RAB3GAP1: variants seen among roughly 807,000 people sequenced by gnomAD.
The protein encoded by RAB3GAP1 is rab3 GTPase-activating protein catalytic subunit.
Under a neutral mutation model 130.7 loss-of-function variants are expected in RAB3GAP1, and 86 were observed. That is an observed-to-expected ratio of 0.66 (90% CI 0.55 to 0.79). RAB3GAP1 has a LOEUF of 0.79. Ranked by LOEUF, RAB3GAP1 falls within the 30% of genes least tolerant of loss-of-function variation. The probability of loss-of-function intolerance (pLI) is 0.00; values close to 1 mark genes in which losing one functional copy is unlikely to be tolerated. For synonymous variants in RAB3GAP1, 367 were observed against 401.7 expected, an observed-to-expected ratio of 0.91 and a Z score of 1.03; for missense variants, 1,029 against 1,169.4, an observed-to-expected ratio of 0.88 and a Z score of 1.75.
chr2:135,098,878 C>T (rs1690373362), intron 5 of RAB3GAP1, among the ~76,000 whole-genome samples: 1 of 152,106 alleles, frequency 6.6e-6, no homozygotes, highest in African/African-American at 2.4e-5. Context: ...GAGGGGTTAA[C>T]CTTGTATCCT....
chr2:135,092,708 G>T (rs971063668), intron 4 of RAB3GAP1, among the ~76,000 whole-genome samples: 1 of 152,198 alleles, frequency 6.6e-6, no homozygotes, highest in Non-Finnish European at 1.5e-5. Flanking sequence ...AAAGTGCTGG[G>T]ATTACAGGCG....
chr2:135,092,948 C>G (rs1348492102), intron 4 of RAB3GAP1, among the ~76,000 whole-genome samples: 1 of 152,162 alleles, frequency 6.6e-6, no homozygotes. Flanking sequence ...TCAGCATTGT[C>G]TATTGCTTTT....
intron 3 of RAB3GAP1, among the ~76,000 whole-genome samples, chr2:135,066,985 C>T (rs1040531462): frequency 2.6e-5 from 4 of 152,098 alleles, no homozygotes; most frequent in African/African-American, 9.7e-5. Context: ...TCACATTTTT[C>T]ATACCCACTC....
chr2:135,092,493 A>G (rs763867296), intron 4 of RAB3GAP1, among the ~76,000 whole-genome samples: 4 of 152,148 alleles, frequency 2.6e-5, no homozygotes, highest in Admixed American at 6.5e-5. Context: ...CTGTAGGGCA[A>G]TGGCGCGATC....
At chr2:135,150,710 G>A (rs1195831217) in intron 18 of RAB3GAP1, among the ~76,000 whole-genome samples, 2 of 152,168 alleles carry the variant, frequency 1.3e-5, no homozygotes, top group African/African-American at 4.8e-5. Context: ...CAAAGATCTA[G>A]TATTATTAAT....
chr2:135,058,192 T>TA, intron 3 of RAB3GAP1, 106 bp downstream of exon 3: 1 of 947,926 alleles, frequency 1.1e-6, no homozygotes, highest in African/African-American at 1.6e-5. Context: ...TTTTTAAAGT[T>TA]ACGTATAATC....
chr2:135,073,129 A>G (rs1689524593), intron 3 of RAB3GAP1, among the ~76,000 whole-genome samples: 1 of 152,208 alleles, frequency 6.6e-6, no homozygotes, highest in African/African-American at 2.4e-5. Flanking sequence ...TTTTGCCCCA[A>G]AGGGGTGTGG....
intron 3 of RAB3GAP1, among the ~76,000 whole-genome samples, chr2:135,088,688 C>CAAAAAAAAAAAAAAA (rs1162700077): frequency 1.8e-5 from 1 of 55,716 alleles, no homozygotes; most frequent in African/African-American, 5.1e-5. Context: ...GACTCCATCT[C>CAAAAAAAAAAAAAAA]AAAAAAAAAA....
intron 3 of RAB3GAP1, among the ~76,000 whole-genome samples, chr2:135,085,951 G>T (rs533278183): frequency 6.6e-6 from 1 of 152,168 alleles, no homozygotes; most frequent in South Asian, 2.1e-4. Flanking sequence ...CCACAGTTTT[G>T]ACTTCCTTCA....
At chr2:135,094,528 CTT>C (rs1244790182) in intron 5 of RAB3GAP1, among the ~76,000 whole-genome samples, 1 of 152,166 alleles carries the variant, frequency 6.6e-6, no homozygotes. Flanking sequence ...ACCATCCCCT[CTT>C]TATGCCCTGC....
intron 12 of RAB3GAP1, 40 bp downstream of exon 12, chr2:135,130,127 T>C (rs1176956359): frequency 6.8e-7 from 1 of 1,471,838 alleles, no homozygotes; most frequent in African/African-American, 1.4e-5. Flanking sequence ...TCAAATGTCT[T>C]ACTGTTTTTC....
At chr2:135,137,104 T>C in intron 17 of RAB3GAP1, 1 of 256,410 alleles carries the variant, frequency 3.9e-6, no homozygotes, top group Non-Finnish European at 7.7e-6. Flanking sequence ...TTAAAAAAGA[T>C]TGATTCTAGG....
At chr2:135,112,931 G>A (rs1485755936) in intron 5 of RAB3GAP1, among the ~76,000 whole-genome samples, 1 of 151,778 alleles carries the variant, frequency 6.6e-6, no homozygotes, top group African/African-American at 2.4e-5. Flanking sequence ...TCAGCAAATT[G>A]TTTCTAATTT....
chr2:135,135,483 A>G, intron 16 of RAB3GAP1, 81 bp from the exon 17 acceptor site: 1 of 1,484,978 alleles, frequency 6.7e-7, no homozygotes, highest in South Asian at 1.2e-5. Context: ...TGGAGAGTGA[A>G]AATTAAATAT....
At chr2:135,063,267 T>C (rs1359979233) in intron 3 of RAB3GAP1, among the ~76,000 whole-genome samples, 1 of 152,188 alleles carries the variant, frequency 6.6e-6, no homozygotes, top group Admixed American at 6.5e-5. Context: ...ATCATATAGT[T>C]TTTCTTTTTT....
At chr2:135,074,992 ACCCCTT>A (rs1364294863) in intron 3 of RAB3GAP1, among the ~76,000 whole-genome samples, 1 of 152,086 alleles carries the variant, frequency 6.6e-6, no homozygotes, top group Non-Finnish European at 1.5e-5. Flanking sequence ...CCCACCTGGG[ACCCCTT>A]CCTTGTTGCT....
chr2:135,136,215 A>G (rs909896070), intron 17 of RAB3GAP1, among the ~76,000 whole-genome samples: 1 of 152,170 alleles, frequency 6.6e-6, no homozygotes, highest in Non-Finnish European at 1.5e-5. Context: ...AGTTCCAGCT[A>G]CTGGGGAGGC....
intron 3 of RAB3GAP1, among the ~76,000 whole-genome samples, chr2:135,082,735 C>G (rs760905339): frequency 1.3e-5 from 2 of 152,130 alleles, no homozygotes; most frequent in African/African-American, 2.4e-5. Flanking sequence ...GCCACCGTGA[C>G]CGGCCAATAT....
intron 2 of RAB3GAP1, 103 bp from the exon 3 acceptor site, chr2:135,057,908 G>A: frequency 2.4e-6 from 2 of 845,144 alleles, no homozygotes; most frequent in Non-Finnish European, 3.9e-6. Flanking sequence ...AGTCCTCTCT[G>A]GTCAAATTGT....
Sources: allele counts gnomAD v4.1 joint callset (sites outside exome capture counted in the v4.1 genomes callset), GRCh38; gene constraint gnomAD v4.1.1; transcripts MANE v1.5; gene names NCBI Gene and HGNC (gene_info 2026-07-23, HGNC 2026-07-21).